The following THRB variants were observed in gnomAD, a reference collection of about 807,000 sequenced individuals.
THRB encodes nuclear receptor subfamily 1 group A member 2.
In THRB, 12 loss-of-function variants were observed where a neutral mutation model predicts 47.8. The observed-to-expected ratio is 0.25, with a 90% CI of 0.16 to 0.41. THRB has a LOEUF of 0.41. Among genes scored for constraint, THRB ranks in the 10% least tolerant of loss-of-function variants. The probability of loss-of-function intolerance (pLI) is 1.00; values close to 1 mark genes in which losing one functional copy is unlikely to be tolerated. For missense variants in THRB, 348 were observed against 589.2 expected, an observed-to-expected ratio of 0.59 and a Z score of 4.24; for synonymous variants, 218 against 212.2, an observed-to-expected ratio of 1.03 and a Z score of -0.24.
intron 5 of THRB, among the ~76,000 whole-genome samples, chr3:24,179,200 C>A (rs1276734483): frequency 6.6e-6 from 1 of 152,158 alleles, no homozygotes; most frequent in Non-Finnish European, 1.5e-5. Flanking sequence ...CTCAACTCCC[C>A]CTCCAAGGGG....
chr3:24,445,847 C>T (rs1251105759), intron 1 of THRB, among the ~76,000 whole-genome samples: 1 of 152,178 alleles, frequency 6.6e-6, no homozygotes, highest in African/African-American at 2.4e-5. Context: ...CATAAACATT[C>T]AACCATAGAC....
chr3:24,228,851 G>T (rs375347357), intron 4 of THRB, 87 bp downstream of exon 4: 4 of 1,285,558 alleles, frequency 3.1e-6, no homozygotes, highest in South Asian at 1.3e-5. Context: ...GCTAAAACTC[G>T]CAAGTTAATC....
intron 2 of THRB, among the ~76,000 whole-genome samples, chr3:24,304,668 T>A (rs1010542567): frequency 2.6e-5 from 4 of 151,874 alleles, no homozygotes; most frequent in African/African-American, 9.7e-5. Flanking sequence ...GAAGAAGGAA[T>A]TAATAAAGAT....
intron 3 of THRB, among the ~76,000 whole-genome samples, chr3:24,277,913 G>C (rs996278384): frequency 1.3e-5 from 2 of 152,144 alleles, no homozygotes; most frequent in African/African-American, 4.8e-5. Context: ...CAATTAAGGG[G>C]TGACAACATT....
chr3:24,124,049 C>A (rs1392368369), intron 10 of THRB, among the ~76,000 whole-genome samples: 2 of 152,198 alleles, frequency 1.3e-5, no homozygotes, highest in Admixed American at 6.5e-5. Context: ...GGAGGCCCAA[C>A]GTGCCCCTGC....
intron 2 of THRB, among the ~76,000 whole-genome samples, chr3:24,307,206 GT>G (rs1288640190): frequency 4.0e-5 from 6 of 151,656 alleles, no homozygotes; most frequent in African/African-American, 1.5e-4. Flanking sequence ...CCATGAATTA[GT>G]TTTAAATTTA....
At chr3:24,230,807 G>A (rs990011309) in intron 3 of THRB, among the ~76,000 whole-genome samples, 12 of 152,198 alleles carry the variant, frequency 7.9e-5, no homozygotes, top group Non-Finnish European at 1.6e-4. Flanking sequence ...AGCTGGACTA[G>A]TAAGATGATT....
intron 1 of THRB, among the ~76,000 whole-genome samples, chr3:24,477,738 C>T (rs184285083): frequency 2.6e-4 from 39 of 151,974 alleles, no homozygotes; most frequent in African/African-American, 9.2e-4. Context: ...AAGGCAACAT[C>T]GGGTCAGTAG....
intron 3 of THRB, among the ~76,000 whole-genome samples, chr3:24,242,834 G>T (rs1439262273): frequency 2.6e-5 from 4 of 152,038 alleles, no homozygotes; most frequent in Non-Finnish European, 5.9e-5. Context: ...GATGATCCAG[G>T]TGGGCTCCAG....
At chr3:24,308,587 G>A (rs2057525641) in intron 2 of THRB, among the ~76,000 whole-genome samples, 2 of 152,128 alleles carry the variant, frequency 1.3e-5, no homozygotes, top group Non-Finnish European at 1.5e-5. Context: ...CTTGTTAAAC[G>A]GGAGAATGGA....
intron 1 of THRB, among the ~76,000 whole-genome samples, chr3:24,357,328 T>C (rs1326167884): frequency 9.8e-6 from 1 of 101,750 alleles, no homozygotes; most frequent in African/African-American, 3.8e-5. Context: ...GTGCCAGGAC[T>C]GGAATCCTTG....
chr3:24,337,096 G>A (rs1409415946), intron 2 of THRB, among the ~76,000 whole-genome samples: 2 of 152,060 alleles, frequency 1.3e-5, no homozygotes, highest in African/African-American at 2.4e-5. Flanking sequence ...TTCTTTTCTC[G>A]AGTGAATCAG....
At chr3:24,364,353 A>C (rs1476923663) in intron 1 of THRB, among the ~76,000 whole-genome samples, 2 of 152,170 alleles carry the variant, frequency 1.3e-5, no homozygotes, top group African/African-American at 4.8e-5. Flanking sequence ...GCAGTGGTTG[A>C]AGTATGGAAG....
intron 4 of THRB, among the ~76,000 whole-genome samples, chr3:24,197,259 A>G (rs2044059533): frequency 6.6e-6 from 1 of 152,254 alleles, no homozygotes; most frequent in East Asian, 1.9e-4. Context: ...ATGGACTACC[A>G]ATAGGATTGT....
chr3:24,383,723 C>T (rs74901955), intron 1 of THRB, among the ~76,000 whole-genome samples: 17,338 of 152,104 alleles, frequency 0.11, 1,342 homozygotes, highest in Middle Eastern at 0.21. Flanking sequence ...CATTCTTCTG[C>T]GTGTTTGTAT....
At chr3:24,450,797 A>G (rs1315962614) in intron 1 of THRB, among the ~76,000 whole-genome samples, 1 of 152,122 alleles carries the variant, frequency 6.6e-6, no homozygotes, top group Non-Finnish European at 1.5e-5. Context: ...CACCAAACAA[A>G]ATGTTGCAAT....
chr3:24,461,400 C>T (rs932712154), intron 1 of THRB, among the ~76,000 whole-genome samples: 1 of 152,162 alleles, frequency 6.6e-6, no homozygotes, highest in African/African-American at 2.4e-5. Context: ...ATACTGTATA[C>T]TCTCAATAAA....
intron 1 of THRB, among the ~76,000 whole-genome samples, chr3:24,424,380 G>A (rs2069558120): frequency 6.6e-6 from 1 of 151,928 alleles, no homozygotes; most frequent in Non-Finnish European, 1.5e-5. Context: ...TTATAACCGA[G>A]GCAAATGGCA....
intron 2 of THRB, among the ~76,000 whole-genome samples, chr3:24,309,199 C>A (rs950439647): frequency 6.6e-6 from 1 of 152,102 alleles, no homozygotes; most frequent in African/African-American, 2.4e-5. Flanking sequence ...ATTTAAAATT[C>A]CAATATTTTT....
Sources: gnomAD v4.1 joint callset for allele counts (sites outside exome capture counted in the v4.1 genomes callset) on GRCh38, gnomAD v4.1.1 for gene constraint, MANE v1.5 for transcripts, NCBI Gene and HGNC (gene_info 2026-07-23, HGNC 2026-07-21) for gene names.